ATAD5: variants seen among roughly 807,000 people sequenced by gnomAD.
ATAD5 encodes ATPase family AAA domain containing 5.
Under a neutral mutation model 176.9 loss-of-function variants are expected in ATAD5, and 58 were observed. That is an observed-to-expected ratio of 0.33 (90% confidence interval 0.27 to 0.41). The LOEUF is 0.41. Ranked by LOEUF, ATAD5 falls within the 10% of genes least tolerant of loss-of-function variation. ATAD5 has a pLI of 1.00. For synonymous variants in ATAD5, 640 were observed against 712.6 expected, an observed-to-expected ratio of 0.90 and a Z score of 1.62; for missense variants, 1,789 against 2,094.1, an observed-to-expected ratio of 0.85 and a Z score of 2.84.
In ATAD5 at chr17:30,840,056, G is replaced by A. The variant is rs142259820; in HGVS notation, c.2077-561G>A. ...CTACTAAAAATACGAAAATTAGCTG[G>A]GTGTGGTGGTGTGCACCTGTAGTCC... On this transcript the variant is annotated intron_variant, in intron 3 of 22. Transcript: ENST00000321990. Among the ~76,000 whole-genome samples the A allele has an allele frequency of 8.3e-3, 1,258 of 152,042 alleles. 8 individuals carry two copies. Among genetic ancestry groups the A allele is most frequent in the South Asian group, 0.027 (130 of 4,796 alleles).
intron 6 of ATAD5, among the ~76,000 whole-genome samples, chr17:30,846,852 C>G (rs2142333349): frequency 6.6e-6 from 1 of 151,854 alleles, no homozygotes; most frequent in Admixed American, 6.6e-5. Context: ...TCCCGAGTAG[C>G]TGGGATTACA....
intron 18 of ATAD5, among the ~76,000 whole-genome samples, chr17:30,885,648 G>GTTT (rs1909280732): frequency 4.4e-5 from 1 of 22,758 alleles, no homozygotes; most frequent in African/African-American, 1.5e-4. Context: ...TTTTTTTTTT[G>GTTT]GTTGAGATGG....
intron 9 of ATAD5, among the ~76,000 whole-genome samples, 192 bp from the exon 10 acceptor site, chr17:30,860,241 C>T (rs1907546480): frequency 6.6e-6 from 1 of 152,156 alleles, no homozygotes; most frequent in African/African-American, 2.4e-5. Context: ...CGAGGCTGGT[C>T]TTAAACGCGT....
chr17:30,841,601 C>T (rs1394187015), intron 4 of ATAD5, among the ~76,000 whole-genome samples: 1 of 152,042 alleles, frequency 6.6e-6, no homozygotes, highest in Non-Finnish European at 1.5e-5. Context: ...TTTTCATTTC[C>T]CCAAAAATAG....
At chr17:30,867,400 A>G (rs922800903) in intron 11 of ATAD5, among the ~76,000 whole-genome samples, 20 of 152,092 alleles carry the variant, frequency 1.3e-4, no homozygotes, top group African/African-American at 4.8e-4. Context: ...TCAAAAAAAG[A>G]AAAATACTAT....
At chr17:30,892,511 G>T in intron 19 of ATAD5, 96 bp from the exon 20 acceptor site, 1 of 757,154 alleles carries the variant, frequency 1.3e-6, no homozygotes, top group Non-Finnish European at 2.0e-6. Context: ...GGGGGTATTT[G>T]TCCAGAAGAT....
chr17:30,855,078 A>G (rs1170604628), intron 6 of ATAD5, 65 bp from the exon 7 acceptor site: 1 of 1,394,536 alleles, frequency 7.2e-7, no homozygotes, highest in African/African-American at 1.5e-5. Context: ...TTTATTTTCC[A>G]GATAGTTTAT....
At chr17:30,834,106 T>C (rs779018303) in intron 1 of ATAD5, 42 bp from the exon 2 acceptor site, 3 of 1,431,064 alleles carry the variant, frequency 2.1e-6, no homozygotes, top group Non-Finnish European at 2.8e-6. Flanking sequence ...TTTTGTATTA[T>C]ATTGCTTGAA....
chr17:30,852,092 G>A lies in ATAD5; in HGVS notation c.2451-3051G>A, dbSNP rs1175791108. Among the ~76,000 whole-genome samples the A allele has an allele frequency of 2.0e-5, 3 of 152,144 alleles. No homozygotes were observed. The East Asian group carries it at 5.8e-4, about 29-fold the overall frequency. On this transcript the variant is annotated intron_variant, in intron 6 of 22. Coordinates refer to ENST00000321990, the MANE Select transcript of ATAD5 (RefSeq NM_024857.5). ...GGTTTCCAAATGGCAATTCTCTATT[G>A]CAGTCATTCTTTCTTTGTTAGTTGG...
chr17:30,879,193 C>T (rs1300634768), intron 17 of ATAD5, among the ~76,000 whole-genome samples: 2 of 152,040 alleles, frequency 1.3e-5, no homozygotes, highest in East Asian at 3.9e-4. Flanking sequence ...TAAAAATTAT[C>T]TGGGCATGGC....
At chr17:30,841,734 T>G (rs1906134038) in intron 4 of ATAD5, among the ~76,000 whole-genome samples, 1 of 152,186 alleles carries the variant, frequency 6.6e-6, no homozygotes, top group African/African-American at 2.4e-5. Context: ...TGGTATCATA[T>G]AGCATGTGGT....
At chr17:30,877,853 T>C (rs763516386) in intron 16 of ATAD5, 150 bp from the exon 17 acceptor site, 26 of 634,148 alleles carry the variant, frequency 4.1e-5, no homozygotes, top group Non-Finnish European at 6.3e-5. Flanking sequence ...TAAAATTCAT[T>C]ATAGTGTATG....
At chr17:30,840,158 A>G (rs1906011780) in intron 3 of ATAD5, among the ~76,000 whole-genome samples, 1 of 145,300 alleles carries the variant, frequency 6.9e-6, no homozygotes, top group Non-Finnish European at 1.5e-5. Context: ...AGATCATGCC[A>G]CTGCACTCTA....
rs774038335 is a variant in ATAD5 at position 30,834,256 on chromosome 17, C to G, written c.175C>G (p.Pro59Ala). ...AGACAGGGTTTTTGCTCCACCAAAA[C>G]CTAGTAATATTCTGGATTATTTTAG... is the stretch of plus-strand genomic sequence containing the variant. ...TRDRVFAPPK[P>A]SNILDYFRKT... The change falls in exon 2 of 23, where the codon CCT (proline) becomes GCT (alanine). Residue 59 changes from proline (P) to alanine (A), a missense_variant. Coordinates refer to ENST00000321990, the MANE Select transcript of ATAD5 (RefSeq NM_024857.5). 1 of 1,613,372 alleles carries G rather than the reference C, an allele frequency of 6.2e-7. No individual in the cohort carries two copies. Among genetic ancestry groups the G allele is most frequent in the Non-Finnish European group, 8.5e-7 (1 of 1,179,748 alleles).
chr17:30,864,913 A>AT (rs1259311592), intron 10 of ATAD5: 1 of 146,220 alleles, frequency 6.8e-6, no homozygotes, highest in African/African-American at 2.6e-5. Context: ...ACTTAGGTTG[A>AT]TTCCATTTTT....
chr17:30,837,723 G>A (rs1905838632), intron 3 of ATAD5, among the ~76,000 whole-genome samples: 1 of 152,164 alleles, frequency 6.6e-6, no homozygotes, highest in Non-Finnish European at 1.5e-5. Context: ...GCAGTGTCTG[G>A]TGAAGCTGTC....
chr17:30,872,529 C>CTTTTTCTTTTTTTTTTTCT (rs141946247), intron 14 of ATAD5, among the ~76,000 whole-genome samples: 9 of 143,294 alleles, frequency 6.3e-5, no homozygotes, highest in African/African-American at 1.5e-4. Context: ...CCTCAGGTTT[C>CTTTTTCTTTTTTTTTTTCT]TTTTTCTTTT....
At chr17:30,892,192 A>AG (rs375360239) in intron 19 of ATAD5, among the ~76,000 whole-genome samples, 3 of 151,370 alleles carry the variant, frequency 2.0e-5, no homozygotes, top group East Asian at 2.0e-4. Context: ...TGGGAGGTCG[A>AG]GGGGGGTGGA....
chr17:30,883,284 C>T (rs936530419), intron 18 of ATAD5, among the ~76,000 whole-genome samples: 4 of 151,888 alleles, frequency 2.6e-5, no homozygotes, highest in African/African-American at 9.7e-5. Flanking sequence ...GCCACCACGC[C>T]CAGCTAATTA....
Sources: allele counts gnomAD v4.1 joint callset (sites outside exome capture counted in the v4.1 genomes callset), GRCh38; gene constraint gnomAD v4.1.1; transcripts MANE v1.5; gene names NCBI Gene and HGNC (gene_info 2026-07-23, HGNC 2026-07-21).